The following CDKAL1 variants were observed in gnomAD, a reference collection of about 807,000 sequenced individuals.
CDKAL1 encodes CDKAL1 threonylcarbamoyladenosine tRNA methylthiotransferase.
A neutral mutation model predicts 68.2 loss-of-function variants in CDKAL1; 32 were observed. The ratio of observed to expected loss-of-function variants is 0.47; its 90% CI spans 0.35 to 0.63. The LOEUF is 0.63. Ranked by LOEUF, CDKAL1 falls within the 30% of genes least tolerant of loss-of-function variation. The pLI, the probability that CDKAL1 is intolerant of heterozygous loss-of-function variation, is 0.00. For synonymous variants in CDKAL1, 234 were observed against 244.3 expected (o/e 0.96, Z 0.39); for missense variants, 606 against 696.7 (o/e 0.87, Z 1.47).
At chr6:20,679,835 G>T (rs35312717) in intron 5 of CDKAL1, among the ~76,000 whole-genome samples, 5,692 of 152,132 alleles carry the variant, frequency 0.037, 154 homozygotes, top group Middle Eastern at 0.058. Flanking sequence ...AAGCCTAAGG[G>T]TTTATTAGGA....
At position 21,186,329 on chromosome 6, in the gene CDKAL1, TG is replaced by T. The variant is rs534851457; in HGVS notation, c.1300-11685del. Among the ~76,000 whole-genome samples the T allele has an allele frequency of 2.4e-4, 36 of 152,088 alleles. No homozygotes were observed. In the South Asian group the frequency reaches 6.7e-3, roughly 28 times the overall value. On this transcript the variant is annotated intron_variant, in intron 13 of 15. Transcript: ENST00000274695. ...CATCTATGCTGAGTTCTTTGGGGAATGGGGGGGAATGTAAGATTTATCTTAC... is the reference window on the plus strand; with the variant it reads ...CATCTATGCTGAGTTCTTTGGGGAATGGGGGGAATGTAAGATTTATCTTAC...
At chr6:20,549,501 G>C (rs1005860391) in intron 4 of CDKAL1, among the ~76,000 whole-genome samples, 1 of 151,950 alleles carries the variant, frequency 6.6e-6, no homozygotes, top group African/African-American at 2.4e-5. Flanking sequence ...AGTATCTACT[G>C]GTGGATCTTG....
At chr6:20,638,576 C>G (rs1258089650) in intron 4 of CDKAL1, among the ~76,000 whole-genome samples, 2 of 150,284 alleles carry the variant, frequency 1.3e-5, no homozygotes, top group Non-Finnish European at 3.0e-5. Context: ...GTTTATAAAA[C>G]TTTTTTTGAC....
intron 4 of CDKAL1, among the ~76,000 whole-genome samples, chr6:20,619,396 A>G (rs1767075340): frequency 6.6e-6 from 1 of 152,206 alleles, no homozygotes; most frequent in African/African-American, 2.4e-5. Flanking sequence ...CACAAAAATA[A>G]CTATGTGAGG....
chr6:20,731,333 G>A (rs1003731625), intron 5 of CDKAL1, among the ~76,000 whole-genome samples: 6 of 152,196 alleles, frequency 3.9e-5, no homozygotes, highest in African/African-American at 1.4e-4. Flanking sequence ...GGGAAAAAGT[G>A]TTACTGGCTT....
At chr6:20,582,097 T>C (rs965635554) in intron 4 of CDKAL1, among the ~76,000 whole-genome samples, 4 of 152,218 alleles carry the variant, frequency 2.6e-5, no homozygotes, top group Non-Finnish European at 5.9e-5. Context: ...TTTAATTGTT[T>C]ATAAGACATT....
chr6:20,818,184 G>C lies in CDKAL1; in HGVS notation c.639-27891G>C, dbSNP rs567130763. 2.3e-4 allele frequency among the ~76,000 whole-genome samples: 35 copies of C among 152,148 alleles called. 1 individual carries two copies. The South Asian group carries it at 4.8e-3, about 21-fold the overall frequency. ...TCAAATGACAAACTATCACAATCAAGGGCTAGATTATGGTTTTTTGATAAC... is the reference window on the plus strand; with the variant it reads ...TCAAATGACAAACTATCACAATCAACGGCTAGATTATGGTTTTTTGATAAC... On this transcript the variant is annotated intron_variant, in intron 8 of 15. Transcript: ENST00000274695.
At chr6:21,132,453 A>G (rs1306993354) in intron 13 of CDKAL1, among the ~76,000 whole-genome samples, 1 of 152,130 alleles carries the variant, frequency 6.6e-6, no homozygotes, top group Non-Finnish European at 1.5e-5. Context: ...GAGATGCTGA[A>G]ATTTTAAAAA....
intron 4 of CDKAL1, among the ~76,000 whole-genome samples, chr6:20,623,114 G>C (rs1306543763): frequency 6.6e-6 from 1 of 152,012 alleles, no homozygotes; most frequent in East Asian, 1.9e-4. Context: ...ATAAATCTTT[G>C]TATTTCCAAG....
chr6:21,064,607 C>A (rs892749460), intron 11 of CDKAL1, among the ~76,000 whole-genome samples: 14 of 152,114 alleles, frequency 9.2e-5, no homozygotes, highest in Non-Finnish European at 1.9e-4. Context: ...TATCAATTGG[C>A]TCTACAGTGA....
chr6:20,748,143 G>C (rs1299364974), intron 6 of CDKAL1, among the ~76,000 whole-genome samples: 3 of 152,154 alleles, frequency 2.0e-5, no homozygotes, highest in African/African-American at 7.2e-5. Flanking sequence ...AGCCAAAACA[G>C]TCTTGAAAAG....
At chr6:20,641,909 A>G (rs902389321) in intron 4 of CDKAL1, among the ~76,000 whole-genome samples, 13 of 152,206 alleles carry the variant, frequency 8.5e-5, no homozygotes, top group African/African-American at 2.9e-4. Context: ...TCTGACGTGC[A>G]TATATATTTG....
intron 5 of CDKAL1, among the ~76,000 whole-genome samples, chr6:20,734,005 C>A (rs1561728504): frequency 6.6e-6 from 1 of 151,710 alleles, no homozygotes; most frequent in Non-Finnish European, 1.5e-5. Flanking sequence ...AAAAATTTGC[C>A]AGGTGTGGTG....
At chr6:21,085,771 A>G (rs1772660146) in intron 12 of CDKAL1, among the ~76,000 whole-genome samples, 1 of 152,148 alleles carries the variant, frequency 6.6e-6, no homozygotes, top group South Asian at 2.1e-4. Flanking sequence ...TAGATAATAA[A>G]CTGAGCCATC....
intron 15 of CDKAL1, among the ~76,000 whole-genome samples, chr6:21,214,874 G>GATGGATGA (rs375832152): frequency 1.4e-3 from 210 of 149,786 alleles, no homozygotes; most frequent in African/African-American, 4.0e-3. Flanking sequence ...ACGTCTGTTG[G>GATGGATGA]ATGAATGAAT....
intron 13 of CDKAL1, among the ~76,000 whole-genome samples, chr6:21,178,248 A>G (rs1777662899): frequency 6.6e-6 from 1 of 152,184 alleles, no homozygotes; most frequent in Admixed American, 6.5e-5. Flanking sequence ...CAAGAAATTA[A>G]CATTTCTGAT....
intron 4 of CDKAL1, among the ~76,000 whole-genome samples, chr6:20,639,343 C>T (rs1162222007): frequency 6.6e-6 from 1 of 152,120 alleles, no homozygotes; most frequent in African/African-American, 2.4e-5. Context: ...GTCAGAGACT[C>T]ACTCTACAGA....
chr6:20,782,763 G>C (rs1018274960), intron 8 of CDKAL1, among the ~76,000 whole-genome samples: 1 of 152,076 alleles, frequency 6.6e-6, no homozygotes, highest in Non-Finnish European at 1.5e-5. Context: ...ATACACAGTA[G>C]GGATTTAATG....
intron 13 of CDKAL1, among the ~76,000 whole-genome samples, chr6:21,162,651 A>G (rs949149309): frequency 1.1e-4 from 17 of 152,230 alleles, no homozygotes; most frequent in African/African-American, 4.1e-4. Flanking sequence ...CCTGCTGGGC[A>G]CAGTAGCTGA....
Sources: allele counts gnomAD v4.1 joint callset (sites outside exome capture counted in the v4.1 genomes callset), GRCh38; gene constraint gnomAD v4.1.1; transcripts MANE v1.5; gene names NCBI Gene and HGNC (gene_info 2026-07-23, HGNC 2026-07-21).